Variants in ROCK1 observed in about 807,000 individuals in gnomAD.
The protein encoded by ROCK1 is Rho associated coiled-coil containing protein kinase 1, also known as rho-associated protein kinase 1.
ROCK1 carries 36 observed loss-of-function variants against 196.8 expected under a neutral mutation model. That is an observed-to-expected ratio of 0.18 (90% confidence interval 0.14 to 0.24). The LOEUF (loss-of-function observed/expected upper bound fraction) is 0.24. Ranked by LOEUF, ROCK1 falls within the 10% of genes least tolerant of loss-of-function variation. The pLI is 1.00. For synonymous variants in ROCK1, 443 were observed against 515.9 expected, an observed-to-expected ratio of 0.86 and a Z score of 1.91; for missense variants, 920 against 1,562.0, an observed-to-expected ratio of 0.59 and a Z score of 6.93.
intron 9 of ROCK1, among the ~76,000 whole-genome samples, chr18:21,039,182 C>T (rs2036083811): frequency 1.3e-5 from 2 of 152,104 alleles, no homozygotes; most frequent in African/African-American, 4.8e-5. Flanking sequence ...AATAAGATAA[C>T]TAACGCCTAA....
At chr18:21,076,672 TAC>T (rs112541303) in intron 1 of ROCK1, among the ~76,000 whole-genome samples, 121,030 of 146,140 alleles carry the variant, frequency 0.83, 51,048 homozygotes, top group Non-Finnish European at 0.92. Flanking sequence ...TCTTGGTACA[TAC>T]ACACACACAC....
rs1414013420 is a variant in ROCK1 at position 20,969,228 on chromosome 18, G to C, written c.2821-20C>G. ...TTCAAGCTAAACAAAGCACACAAAA[G>C]TTTAAGCTCCAGCCTCTTTGCTATT... On this transcript the variant is annotated intron_variant, in intron 23 of 32. Coordinates refer to ENST00000399799, the MANE Select transcript of ROCK1 (RefSeq NM_005406.3). 2.7e-6 allele frequency: 4 copies of C among 1,476,966 alleles called. No homozygotes were observed. In the African/African-American group the frequency reaches 5.5e-5, roughly 20 times the overall value. 91.5% of individuals were successfully genotyped at this position (1,476,966 alleles called of 1,614,324 possible).
At chr18:21,001,986 G>A (rs916021689) in intron 16 of ROCK1, among the ~76,000 whole-genome samples, 12 of 151,928 alleles carry the variant, frequency 7.9e-5, no homozygotes, top group African/African-American at 2.7e-4. Flanking sequence ...ATGTAACAGT[G>A]AAATGCAAAA....
intron 17 of ROCK1, among the ~76,000 whole-genome samples, chr18:20,991,527 C>A (rs2035625996): frequency 6.6e-6 from 1 of 152,160 alleles, no homozygotes; most frequent in Non-Finnish European, 1.5e-5. Flanking sequence ...GAGGGCAGAA[C>A]AAGGCTGTGC....
chr18:20,970,168 T>G, intron 23 of ROCK1, 180 bp downstream of exon 23: 1 of 472,928 alleles, frequency 2.1e-6, no homozygotes, highest in East Asian at 3.1e-5. Context: ...TGAACAAGAA[T>G]TTCAATAATT....
At chr18:21,091,785 A>G (rs1334425366) in intron 1 of ROCK1, among the ~76,000 whole-genome samples, 1 of 152,104 alleles carries the variant, frequency 6.6e-6, no homozygotes, top group Non-Finnish European at 1.5e-5. Context: ...AGGCTGGCCT[A>G]CGTGGTGAAA....
intron 27 of ROCK1, 30 bp downstream of exon 27, chr18:20,966,887 C>A: frequency 6.5e-7 from 1 of 1,528,440 alleles, no homozygotes; most frequent in East Asian, 2.3e-5. Context: ...GACATTTATA[C>A]ATGTTTGAAT....
At chr18:21,093,381 C>A (rs1200544958) in intron 1 of ROCK1, among the ~76,000 whole-genome samples, 1 of 152,138 alleles carries the variant, frequency 6.6e-6, no homozygotes, top group African/African-American at 2.4e-5. Context: ...CCAGGTTACT[C>A]TATTGTTTTT....
intron 2 of ROCK1, among the ~76,000 whole-genome samples, chr18:21,067,749 T>C (rs1297914747): frequency 2.6e-5 from 4 of 152,204 alleles, no homozygotes; most frequent in African/African-American, 9.7e-5. Context: ...ATGTCCAGTT[T>C]ATCTATTTTT....
intron 1 of ROCK1, among the ~76,000 whole-genome samples, chr18:21,089,719 C>G (rs1183529900): frequency 2.0e-5 from 3 of 152,158 alleles, no homozygotes; most frequent in Non-Finnish European, 4.4e-5. Context: ...TCATCTAACA[C>G]AAAGCCTATT....
chr18:20,986,904 C>A, intron 19 of ROCK1, 46 bp downstream of exon 19: 1 of 1,486,058 alleles, frequency 6.7e-7, no homozygotes, highest in Non-Finnish European at 9.1e-7. Context: ...CTTATATAAC[C>A]GTTTCTCTTT....
chr18:21,075,726 G>A (rs1206079321), intron 1 of ROCK1, among the ~76,000 whole-genome samples: 1 of 152,064 alleles, frequency 6.6e-6, no homozygotes, highest in Non-Finnish European at 1.5e-5. Context: ...GGCCGAGGCT[G>A]GTGGATCACC....
intron 27 of ROCK1, among the ~76,000 whole-genome samples, chr18:20,961,818 CTTTTTTTT>C (rs11334095): frequency 3.4e-5 from 4 of 117,204 alleles, no homozygotes; most frequent in South Asian, 2.7e-4. Context: ...TTTCTTTTTC[CTTTTTTTT>C]TTTTTTTTTT....
At chr18:20,990,324 A>G (rs979622439) in intron 18 of ROCK1, among the ~76,000 whole-genome samples, 7 of 152,136 alleles carry the variant, frequency 4.6e-5, no homozygotes, top group African/African-American at 1.4e-4. Flanking sequence ...GGAAAGGGCT[A>G]CTAAAAAACA....
At chr18:21,045,234 G>T in intron 5 of ROCK1, 58 bp downstream of exon 5, 1 of 1,433,160 alleles carries the variant, frequency 7.0e-7, no homozygotes, top group Non-Finnish European at 9.4e-7. Context: ...AAATGTTAAA[G>T]TTATTTTTAG....
intron 1 of ROCK1, among the ~76,000 whole-genome samples, chr18:21,096,954 C>T (rs1220720289): frequency 3.3e-5 from 5 of 152,068 alleles, no homozygotes; most frequent in African/African-American, 9.7e-5. Context: ...AAGAAAGTAA[C>T]AGTTTAACAC....
At chr18:21,087,247 C>CA (rs1165969635) in intron 1 of ROCK1, among the ~76,000 whole-genome samples, 2 of 151,292 alleles carry the variant, frequency 1.3e-5, no homozygotes, top group African/African-American at 4.9e-5. Context: ...CCCAGGAAGG[C>CA]AAAAAAGGAA....
At chr18:21,008,530 C>T (rs2035788240) in intron 13 of ROCK1, among the ~76,000 whole-genome samples, 1 of 152,226 alleles carries the variant, frequency 6.6e-6, no homozygotes, top group Non-Finnish European at 1.5e-5. Flanking sequence ...GCCTCAGCCT[C>T]CCAAAGTACT....
chr18:21,094,145 G>C (rs2036593729), intron 1 of ROCK1, among the ~76,000 whole-genome samples: 1 of 152,172 alleles, frequency 6.6e-6, no homozygotes, highest in South Asian at 2.1e-4. Flanking sequence ...ACTAAAACCA[G>C]TCTACAATCT....
Sources: allele counts gnomAD v4.1 joint callset (sites outside exome capture counted in the v4.1 genomes callset), GRCh38; gene constraint gnomAD v4.1.1; transcripts MANE v1.5; gene names NCBI Gene and HGNC (gene_info 2026-07-23, HGNC 2026-07-21).